Variants in PLB1 observed in about 807,000 individuals in gnomAD.
PLB1 encodes the protein phospholipase B1.
Under a neutral mutation model 227.4 loss-of-function variants are expected in PLB1, and 242 were observed. That is an observed-to-expected ratio of 1.06 (90% CI 0.96 to 1.18). PLB1 has a LOEUF of 1.18. PLB1 is among the 50% of genes most tolerant of loss of function. The pLI is 0.00. For missense variants in PLB1, 1,858 were observed against 1,816.3 expected, an observed-to-expected ratio of 1.02 and a Z score of -0.42; for synonymous variants, 757 against 682.2, an observed-to-expected ratio of 1.11 and a Z score of -1.71.
intron 19 of PLB1, among the ~76,000 whole-genome samples, chr2:28,565,834 T>C (rs1573007285): frequency 6.6e-6 from 1 of 152,284 alleles, no homozygotes; most frequent in East Asian, 1.9e-4. Flanking sequence ...AGAATTTAGG[T>C]GTCCAGCACA....
At chr2:28,599,550 A>G (rs542074967) in intron 35 of PLB1, among the ~76,000 whole-genome samples, 1 of 150,884 alleles carries the variant, frequency 6.6e-6, no homozygotes, top group South Asian at 2.1e-4. Context: ...ACCCAGGTCT[A>G]TAACGGGGCC....
chr2:28,636,033 G>GTGTGTGTGTGTGTA (rs1553467799), intron 56 of PLB1, among the ~76,000 whole-genome samples: 2,255 of 149,798 alleles, frequency 0.015, 59 homozygotes, highest in African/African-American at 0.053. Flanking sequence ...GTGTGTATGT[G>GTGTGTGTGTGTGTA]TGTGTGTGTA....
chr2:28,515,161 G>A (rs1668699254), intron 1 of PLB1, among the ~76,000 whole-genome samples: 1 of 152,154 alleles, frequency 6.6e-6, no homozygotes, highest in South Asian at 2.1e-4. Flanking sequence ...TTTTTATCCT[G>A]GCTTAGAAAG....
At chr2:28,556,988 G>T (rs1440878224) in intron 17 of PLB1, among the ~76,000 whole-genome samples, 1 of 151,996 alleles carries the variant, frequency 6.6e-6, no homozygotes, top group Non-Finnish European at 1.5e-5. Flanking sequence ...ATCTCATCGT[G>T]AGCCAGCAGT....
chr2:28,620,522 G>C, intron 47 of PLB1, 78 bp from the exon 48 acceptor site: 2 of 1,528,110 alleles, frequency 1.3e-6, no homozygotes, highest in Middle Eastern at 1.9e-4. Flanking sequence ...ACCCGGTTCC[G>C]GTTCTGGCTT....
intron 25 of PLB1, chr2:28,585,513 G>A: frequency 4.9e-6 from 2 of 410,328 alleles, no homozygotes; most frequent in East Asian, 4.9e-5. Flanking sequence ...CTGACCTCAA[G>A]TGATCCACCC....
At chr2:28,624,971 CA>C in intron 49 of PLB1, 85 bp from the exon 50 acceptor site, 1 of 1,241,572 alleles carries the variant, frequency 8.1e-7, no homozygotes, top group Non-Finnish European at 1.2e-6. Flanking sequence ...CTTCTTGAAA[CA>C]CCTCTCTTCC....
At chr2:28,601,474 C>T (rs1032849109) in intron 37 of PLB1, 142 bp downstream of exon 37, 3 of 630,360 alleles carry the variant, frequency 4.8e-6, no homozygotes, top group Admixed American at 4.8e-5. Flanking sequence ...ACATACCACA[C>T]ACACACACAC....
chr2:28,637,829 A>C (rs1204376713), intron 56 of PLB1, among the ~76,000 whole-genome samples: 1 of 152,078 alleles, frequency 6.6e-6, no homozygotes, highest in Admixed American at 6.5e-5. Flanking sequence ...CTACCTCTGA[A>C]TCTCCAGGAC....
chr2:28,638,572 G>A lies in PLB1; in HGVS notation c.4099-2355G>A, dbSNP rs148966018. On this transcript the variant is annotated intron_variant, in intron 56 of 57. Coordinates refer to ENST00000327757, the MANE Select transcript of PLB1 (RefSeq NM_153021.5). ...AGAGAGGAAGGGGGCTGAGAGTAGG[G>A]TCAGGGCAGAGGAGGAGAGACGCTG... Among the ~76,000 whole-genome samples the A allele has an allele frequency of 2.7e-4, 41 of 152,260 alleles. No individual in the cohort carries two copies. The Middle Eastern group carries it at 0.01, about 38-fold the overall frequency.
chr2:28,538,025 G>T (rs1671939117), intron 9 of PLB1, among the ~76,000 whole-genome samples: 1 of 152,168 alleles, frequency 6.6e-6, no homozygotes, highest in East Asian at 1.9e-4. Context: ...ATCACACCAG[G>T]TATTTCTGAT....
intron 29 of PLB1, among the ~76,000 whole-genome samples, 188 bp from the exon 30 acceptor site, chr2:28,590,945 T>A (rs1489961510): frequency 6.6e-6 from 1 of 152,142 alleles, no homozygotes; most frequent in East Asian, 1.9e-4. Context: ...GCTCATTCTT[T>A]GTGCTGGGTT....
chr2:28,506,544 G>C (rs1468657602), intron 1 of PLB1, among the ~76,000 whole-genome samples: 1 of 152,202 alleles, frequency 6.6e-6, no homozygotes, highest in Non-Finnish European at 1.5e-5. Context: ...TTAGCTTAAA[G>C]AGACTTCTAA....
At chr2:28,611,094 T>G in intron 43 of PLB1, among the ~76,000 whole-genome samples, 1 of 151,606 alleles carries the variant, frequency 6.6e-6, no homozygotes, top group Admixed American at 6.6e-5. Flanking sequence ...ACATAGGAGT[T>G]GGAAAAAAAA....
chr2:28,568,955 A>G lies in PLB1; in HGVS notation c.1324+2116A>G, dbSNP rs4666096. Among the ~76,000 whole-genome samples, 3,026 of 152,282 alleles carry G rather than the reference A, an allele frequency of 0.02. 570 individuals are homozygous for G. In the East Asian group the frequency reaches 0.46, roughly 23 times the overall value. On this transcript the variant is annotated intron_variant, in intron 20 of 57. Coordinates refer to ENST00000327757, the MANE Select transcript of PLB1 (RefSeq NM_153021.5). ...CCTCCTAGGGAAGCTGCCACCTCCT[A>G]GGACAAACCATTCCACTTTCAAATC...
At chr2:28,535,027 A>G (rs964815185) in intron 9 of PLB1, among the ~76,000 whole-genome samples, 3 of 152,148 alleles carry the variant, frequency 2.0e-5, no homozygotes, top group Admixed American at 6.5e-5. Flanking sequence ...GTGAGCACCT[A>G]TTCTCTACAA....
intron 49 of PLB1, among the ~76,000 whole-genome samples, chr2:28,621,331 G>GCTCCAC (rs1687029471): frequency 6.6e-6 from 1 of 152,218 alleles, no homozygotes; most frequent in African/African-American, 2.4e-5. Context: ...GCTGGCTCCA[G>GCTCCAC]CTCCACCTCC....
intron 55 of PLB1, 97 bp downstream of exon 55, chr2:28,632,237 C>G (rs1196855721): frequency 1.2e-5 from 10 of 842,214 alleles, no homozygotes; most frequent in Non-Finnish European, 1.8e-5. Context: ...TTTTTTTTAA[C>G]CATCTCTCTC....
At chr2:28,550,971 G>A (rs530905684) in intron 16 of PLB1, among the ~76,000 whole-genome samples, 1 of 152,324 alleles carries the variant, frequency 6.6e-6, no homozygotes, top group South Asian at 2.1e-4. Flanking sequence ...CATCCCCTGG[G>A]TGCCTGGAAG....
Sources: gnomAD v4.1 joint callset for allele counts (sites outside exome capture counted in the v4.1 genomes callset) on GRCh38, gnomAD v4.1.1 for gene constraint, MANE v1.5 for transcripts, NCBI Gene and HGNC (gene_info 2026-07-23, HGNC 2026-07-21) for gene names.